Variants in FLT3 observed in about 807,000 individuals in gnomAD.
FLT3 encodes the protein receptor-type tyrosine-protein kinase FLT3.
In FLT3, 46 loss-of-function variants were observed where a neutral mutation model predicts 126.6. That is an observed-to-expected ratio of 0.36 (90% CI 0.29 to 0.46). The LOEUF (loss-of-function observed/expected upper bound fraction) is 0.46, where lower values mean the gene tolerates loss of function less well. FLT3 is among the 20% of genes least tolerant of loss of function. The probability of loss-of-function intolerance (pLI) is 1.00; values close to 1 mark genes in which losing one functional copy is unlikely to be tolerated. For missense variants in FLT3, 1,069 were observed against 1,190.3 expected, an observed-to-expected ratio of 0.90 and a Z score of 1.50; for synonymous variants, 404 against 434.4, an observed-to-expected ratio of 0.93 and a Z score of 0.87.
chr13:28,096,013 G>A (rs895770042), intron 1 of FLT3, among the ~76,000 whole-genome samples: 6 of 152,148 alleles, frequency 3.9e-5, no homozygotes, highest in Non-Finnish European at 5.9e-5. Context: ...AAATGGAAGA[G>A]CATTTTCTTT....
At chr13:28,073,427 TC>T in intron 1 of FLT3, 1 of 438,170 alleles carries the variant, frequency 2.3e-6, no homozygotes, top group Non-Finnish European at 4.5e-6. Context: ...AATATATGTG[TC>T]CAGCCATCTT....
At chr13:28,006,728 CT>C (rs753656559) in intron 23 of FLT3, among the ~76,000 whole-genome samples, 5,644 of 132,822 alleles carry the variant, frequency 0.042, 113 homozygotes, top group East Asian at 0.076. Flanking sequence ...CCTTTCTTTC[CT>C]TTTTTTTTTT....
chr13:28,011,116 C>T (rs773649687), intron 23 of FLT3, among the ~76,000 whole-genome samples: 6 of 151,720 alleles, frequency 4.0e-5, no homozygotes, highest in Non-Finnish European at 7.4e-5. Flanking sequence ...TTGAGACCAG[C>T]CCGGACAATA....
At chr13:28,063,072 A>T (rs1254422587) in intron 2 of FLT3, among the ~76,000 whole-genome samples, 4 of 65,500 alleles carry the variant, frequency 6.1e-5, no homozygotes, top group Non-Finnish European at 1.6e-4. Context: ...ATAAAAATTT[A>T]TAAAGCAATG....
chr13:28,045,691 C>T (rs560039117), intron 9 of FLT3, among the ~76,000 whole-genome samples: 1 of 152,146 alleles, frequency 6.6e-6, no homozygotes, highest in South Asian at 2.1e-4. Flanking sequence ...GAAACCCCGT[C>T]TCTATTAAAA....
chr13:28,062,967 G>A (rs1235465350), intron 2 of FLT3, among the ~76,000 whole-genome samples: 1 of 151,956 alleles, frequency 6.6e-6, no homozygotes, highest in African/African-American at 2.4e-5. Context: ...CCCAGTCTGT[G>A]GTAGTTTGTT....
At chr13:28,056,274 T>C (rs1200706041) in intron 4 of FLT3, among the ~76,000 whole-genome samples, 1 of 152,098 alleles carries the variant, frequency 6.6e-6, no homozygotes, top group East Asian at 1.9e-4. Flanking sequence ...GCTGTGAGCA[T>C]CTGAGATGAA....
intron 4 of FLT3, among the ~76,000 whole-genome samples, chr13:28,055,433 T>C (rs1436119507): frequency 1.3e-5 from 2 of 152,244 alleles, no homozygotes; most frequent in African/African-American, 2.4e-5. Context: ...AGAACTGAAA[T>C]GAATAAGCTT....
chr13:28,015,318 T>C, intron 21 of FLT3, 62 bp from the exon 22 acceptor site: 1 of 1,114,316 alleles, frequency 9.0e-7, no homozygotes, highest in Non-Finnish European at 1.4e-6. Context: ...TATTGATTCA[T>C]TCAATTAAAC....
In FLT3 at chr13:28,071,138, G is replaced by C. The variant is rs149909288; in HGVS notation, c.44-526C>G. Among the ~76,000 whole-genome samples the C allele has an allele frequency of 8.8e-3, 1,330 of 151,124 alleles. 25 individuals are homozygous for C. Among genetic ancestry groups the C allele is most frequent in the African/African-American group, 0.03 (1,225 of 41,154 alleles). ...GCCTCCCGAGTGGCTGGGATTACAG[G>C]TGCCCGTCACCGTGCCTGGCTAATT... On this transcript the variant is annotated intron_variant, in intron 1 of 23. Coordinates refer to ENST00000241453, the MANE Select transcript of FLT3 (RefSeq NM_004119.3).
At chr13:28,071,347 T>C (rs1159166138) in intron 1 of FLT3, among the ~76,000 whole-genome samples, 1 of 151,938 alleles carries the variant, frequency 6.6e-6, no homozygotes, top group Non-Finnish European at 1.5e-5. Context: ...GCTTATAGAA[T>C]CTTTTCTTTG....
intron 15 of FLT3, among the ~76,000 whole-genome samples, chr13:28,028,769 T>TC (rs1873047239): frequency 1.6e-5 from 2 of 126,496 alleles, no homozygotes; most frequent in South Asian, 2.8e-4. Context: ...TTTTCTTTTT[T>TC]TTTTTTCCTT....
chr13:28,095,718 T>C (rs1347346785), intron 1 of FLT3, among the ~76,000 whole-genome samples: 4 of 152,158 alleles, frequency 2.6e-5, no homozygotes, highest in Non-Finnish European at 4.4e-5. Context: ...GGTAGGTATG[T>C]GGGGAGGCAG....
At position 28,049,633 on chromosome 13, in the gene FLT3, ACCT is replaced by A. The variant is rs1195278654; in HGVS notation, c.881_882+1del. On this transcript the variant is annotated splice_donor_variant and coding_sequence_variant, in exon 7 of 24. Coordinates refer to ENST00000241453, the MANE Select transcript of FLT3 (RefSeq NM_004119.3). LOFTEE classifies it high-confidence loss of function. ...TTTCAGAATACAAACTTGTCCTATT[ACCT>A]CCTCGAGTGCTTTGTTTTCTAATTC... The A allele has an allele frequency of 3.7e-6, 6 of 1,613,972 alleles. No individual in the cohort carries two copies.
In FLT3 at chr13:28,056,563, G is replaced by C. The variant is rs184585194; in HGVS notation, c.484+784C>G. Among the ~76,000 whole-genome samples, 99 of 152,300 alleles carry C rather than the reference G, an allele frequency of 6.5e-4. 1 individual carries two copies. The East Asian group carries it at 0.016, about 25-fold the overall frequency. ...TCAGTGTGCATAGCACGGAGTCTGT[G>C]CATGATGGGGACGAAACAAGGAGAA... On this transcript the variant is annotated intron_variant, in intron 4 of 23. Transcript: ENST00000241453.
chr13:28,025,362 G>A (rs761932040), intron 17 of FLT3: 12 of 451,424 alleles, frequency 2.7e-5, no homozygotes, highest in Non-Finnish European at 4.4e-5. Context: ...TCCCGTAAGC[G>A]TTTCACCATC....
chr13:28,076,009 C>A (rs1477147123), intron 1 of FLT3, among the ~76,000 whole-genome samples: 1 of 152,192 alleles, frequency 6.6e-6, no homozygotes, highest in South Asian at 2.1e-4. Context: ...GTTGGCCAGG[C>A]TGGTCTGGAA....
At chr13:28,034,815 G>T (rs1056804966) in intron 12 of FLT3, among the ~76,000 whole-genome samples, 1 of 152,062 alleles carries the variant, frequency 6.6e-6, no homozygotes, top group African/African-American at 2.4e-5. Flanking sequence ...TTAGCTGGGC[G>T]TGGTGGCAGG....
intron 1 of FLT3, among the ~76,000 whole-genome samples, chr13:28,091,857 G>A (rs566406206): frequency 2.0e-5 from 3 of 152,116 alleles, no homozygotes; most frequent in Admixed American, 6.5e-5. Context: ...ATCGCTTGAC[G>A]TCAGGAGTTC....
Sources: allele counts gnomAD v4.1 joint callset (sites outside exome capture counted in the v4.1 genomes callset), GRCh38; gene constraint gnomAD v4.1.1; transcripts MANE v1.5; gene names NCBI Gene and HGNC (gene_info 2026-07-23, HGNC 2026-07-21).